The following STAC3 variants were observed in gnomAD, a reference collection of about 807,000 sequenced individuals.
The protein encoded by STAC3 is SH3 and cysteine-rich domain-containing protein 3.
STAC3 carries 30 observed loss-of-function variants against 48.5 expected under a neutral mutation model. The observed-to-expected ratio is 0.62, with a 90% CI of 0.46 to 0.84. STAC3 has a LOEUF of 0.84. Ranked by LOEUF, STAC3 falls within the 40% of genes least tolerant of loss-of-function variation. STAC3 has a pLI of 0.00. For missense variants in STAC3, 419 were observed against 462.6 expected (o/e 0.91, Z 0.86); for synonymous variants, 144 against 158.6 (o/e 0.91, Z 0.69).
Position 57,243,609 on chromosome 12 carries a change from T to A in STAC3, c.*203A>T. ...GGCCTGAAAGGTTTCGGGTCCGGGC[T>A]GCTCTGGGCAGCAGGTATCCGAGGC... is the stretch of plus-strand genomic sequence containing the variant. On this transcript the variant is annotated 3_prime_UTR_variant, in exon 12 of 12. Coordinates refer to ENST00000332782, the MANE Select transcript of STAC3 (RefSeq NM_145064.3). The A allele has an allele frequency of 1.8e-6, 1 of 552,696 alleles. No individual in the cohort carries two copies. Among genetic ancestry groups the A allele is most frequent in the African/African-American group, 1.9e-5 (1 of 51,740 alleles). 34.2% of individuals were successfully genotyped at this position (552,696 alleles called of 1,614,324 possible). A position where few individuals can be genotyped will look rare whatever the true frequency, so the allele number is the denominator to read the frequency against.
At chr12:57,244,753 T>A in intron 8 of STAC3, 131 bp from the exon 9 acceptor site, 1 of 1,392,242 alleles carries the variant, frequency 7.2e-7, no homozygotes, top group Non-Finnish European at 1.0e-6. Context: ...CTGAGAGAAG[T>A]GTTTTGGTCG....
At chr12:57,249,548 A>C (rs1592249030) in intron 2 of STAC3, 23 bp downstream of exon 2, 17 of 1,613,284 alleles carry the variant, frequency 1.1e-5, no homozygotes, top group Admixed American at 1.7e-5. Context: ...CCCCACACCC[A>C]GTGGTCAGAG....
rs773171630 is a variant in STAC3 at position 57,243,852 on chromosome 12, T to C, written c.1055A>G (p.Lys352Arg). Residue 352 changes from lysine to arginine, a missense_variant, in exon 12 of 12, where the codon AAG (lysine) becomes AGG (arginine). Coordinates refer to ENST00000332782, the MANE Select transcript of STAC3 (RefSeq NM_145064.3). The stretch of plus-strand genomic sequence containing the variant: ...AAAGTCGGTGGGAAACAGCCCCACC[T>C]TGCGGCCGGTGTAGACCTTGACGTA... Reference protein sequence around the residue: ...GGYVKVYTGRKVGLFPTDFLE... With the variant: ...GGYVKVYTGRRVGLFPTDFLE... 1 of 1,614,094 alleles carries C rather than the reference T, an allele frequency of 6.2e-7. No homozygotes were observed. The highest frequency in any genetic ancestry group is 2.2e-5 in the East Asian group (1 of 44,876).
In STAC3 at chr12:57,243,605, G is replaced by A. The variant is rs1191930234; in HGVS notation, c.*207C>T. 1 of 698,004 alleles carries A rather than the reference G, an allele frequency of 1.4e-6. No homozygotes were observed. Among genetic ancestry groups the A allele is most frequent in the South Asian group, 1.5e-5 (1 of 66,612 alleles). 43.2% of individuals were successfully genotyped at this position (698,004 alleles called of 1,614,324 possible). ...GCGGGGCCTGAAAGGTTTCGGGTCCGGGCTGCTCTGGGCAGCAGGTATCCG... is the reference window on the plus strand; with the variant it reads ...GCGGGGCCTGAAAGGTTTCGGGTCCAGGCTGCTCTGGGCAGCAGGTATCCG... On this transcript the variant is annotated 3_prime_UTR_variant, in exon 12 of 12. Coordinates refer to ENST00000332782, the MANE Select transcript of STAC3 (RefSeq NM_145064.3).
intron 7 of STAC3, 56 bp downstream of exon 7, chr12:57,245,089 C>T: frequency 6.2e-7 from 1 of 1,609,566 alleles, no homozygotes; most frequent in Non-Finnish European, 8.5e-7. Flanking sequence ...ACCCTCTGTT[C>T]CACAGCTGAG....
chr12:57,249,116 C>T lies in STAC3; in HGVS notation c.259G>A (p.Asp87Asn), dbSNP rs776406787. 7.4e-6 allele frequency: 12 copies of T among 1,613,376 alleles called. No homozygotes were observed. Among genetic ancestry groups the T allele is most frequent in the Non-Finnish European group, 6.8e-6 (8 of 1,179,756 alleles). Residue 87 changes from aspartate (D) to asparagine (N), a missense_variant, in exon 3 of 12, where the codon GAT (aspartate) becomes AAT (asparagine). Physicochemically the swap from Asp to Asn is conservative, Grantham distance 23 (BLOSUM62 1). Transcript: ENST00000332782. ...PPPEPPKLVN[D>N]KPHKFKDHFF... The stretch of plus-strand genomic sequence containing the variant: ...TGATCTTTGAATTTGTGGGGCTTAT[C>T]GTTGACCAGCTTAGGAGGTTCTGGG...
At chr12:57,248,262 C>T (rs369271138) in intron 4 of STAC3, 64 bp from the exon 5 acceptor site, 307 of 1,284,770 alleles carry the variant, frequency 2.4e-4, no homozygotes, top group Non-Finnish European at 3.0e-4. Flanking sequence ...CCTATCTCTC[C>T]CAGGAGTGCT....
At position 57,249,505 on chromosome 12, in the gene STAC3, G is replaced by A. The variant is rs926908251; in HGVS notation, c.66+66C>T. The stretch of plus-strand genomic sequence containing the variant: ...TCACACACAAATGAGATCAATTTAA[G>A]CACTCTTCTTCAGCTGTAATGGCTT... On this transcript the variant is annotated intron_variant, in intron 2 of 11. Transcript: ENST00000332782. The A allele has an allele frequency of 1.9e-6, 3 of 1,588,322 alleles. No homozygotes were observed. The Admixed American group carries it at 5.1e-5, about 27-fold the overall frequency.
chr12:57,244,298 C>G lies in STAC3; in HGVS notation c.858+17G>C, dbSNP rs1261088763. The G allele has an allele frequency of 6.2e-7, 1 of 1,614,032 alleles. No homozygotes were observed. The highest frequency in any genetic ancestry group is 1.3e-5 in the African/African-American group (1 of 74,938). On this transcript the variant is annotated intron_variant, in intron 10 of 11. Transcript: ENST00000332782. ...ACTCAACCCACACTCCACCCTAGCCCTAGCCATTTCTCTCACCCGCCACCA... is the reference window on the plus strand; with the variant it reads ...ACTCAACCCACACTCCACCCTAGCCGTAGCCATTTCTCTCACCCGCCACCA...
Position 57,248,182 on chromosome 12 carries a change from C to T in STAC3, c.449G>A (p.Arg150Gln), listed in dbSNP as rs764482125. Residue 150 changes from arginine to glutamine, a missense_variant, in exon 5 of 12, where the codon CGG becomes CAG. Arg to Gln is a conservative substitution (Grantham distance 43). Transcript: ENST00000332782. ...GCTGTAGAGTGGGGAACTATAGGCC[C>T]GATGGAAACCAGGTGGCTGTAGGAT... ...CFGKIPPGFH[R>Q]AYSSPLYSNQ... is the part of the protein sequence containing the mutation. The T allele has an allele frequency of 5.6e-6, 9 of 1,613,932 alleles. No individual in the cohort carries two copies. The highest frequency in any genetic ancestry group is 7.6e-6 in the Non-Finnish European group (9 of 1,179,888).
chr12:57,245,640 G>A (rs916152699), intron 6 of STAC3, among the ~76,000 whole-genome samples: 5 of 152,042 alleles, frequency 3.3e-5, no homozygotes, highest in African/African-American at 1.2e-4. Context: ...AAAGTGCTGG[G>A]ATTACAGGCG....
intron 2 of STAC3, 129 bp from the exon 3 acceptor site, chr12:57,249,437 T>G: frequency 6.7e-7 from 1 of 1,482,270 alleles, no homozygotes; most frequent in Non-Finnish European, 9.1e-7. Context: ...ATTAGGGGGG[T>G]ATTGGTATTG....
chr12:57,249,886 G>C (rs2037860921), intron 1 of STAC3, among the ~76,000 whole-genome samples: 1 of 152,092 alleles, frequency 6.6e-6, no homozygotes, highest in South Asian at 2.1e-4. Context: ...TTCCTGAGTA[G>C]CTGGAACACA....
At chr12:57,248,033 TTTCTGTTTCAGAA>T in intron 5 of STAC3, 80 bp downstream of exon 5, 1 of 1,147,412 alleles carries the variant, frequency 8.7e-7, no homozygotes, top group South Asian at 1.2e-5. Flanking sequence ...AAACAGAAAG[TTTCTGTTTCAGAA>T]TTTGGCTCCC....
Position 57,243,794 on chromosome 12 carries a change from T to A in STAC3, c.*18A>T. The A allele has an allele frequency of 6.2e-7, 1 of 1,611,694 alleles. No individual in the cohort carries two copies. Among genetic ancestry groups the A allele is most frequent in the Non-Finnish European group, 8.5e-7 (1 of 1,178,256 alleles). Reference sequence around the variant, plus strand: ...AGAATGGGGTGTGGGTGTCTCCCGCTTGCAGGCGCCCGCACGCCTAAATTT... The same window carrying A: ...AGAATGGGGTGTGGGTGTCTCCCGCATGCAGGCGCCCGCACGCCTAAATTT... On this transcript the variant is annotated 3_prime_UTR_variant, in exon 12 of 12. Transcript: ENST00000332782.
At chr12:57,247,438 T>A (rs1343286064) in intron 5 of STAC3, among the ~76,000 whole-genome samples, 12 of 127,946 alleles carry the variant, frequency 9.4e-5, no homozygotes, top group African/African-American at 2.5e-4. Context: ...ATTTTTTTTT[T>A]TTTTTTTTTT....
intron 6 of STAC3, among the ~76,000 whole-genome samples, chr12:57,246,274 C>T (rs1328333087): frequency 6.6e-6 from 1 of 152,148 alleles, no homozygotes; most frequent in Non-Finnish European, 1.5e-5. Context: ...TGTCCAACCT[C>T]CATATCAACA....
intron 11 of STAC3, 28 bp downstream of exon 11, chr12:57,244,060 C>CT (rs757603391): frequency 1.9e-6 from 3 of 1,613,958 alleles, no homozygotes; most frequent in Non-Finnish European, 2.5e-6. Flanking sequence ...GCATTCAGGC[C>CT]TGGGATTGGG....
At chr12:57,250,650 C>T (rs1239669184) in intron 1 of STAC3, among the ~76,000 whole-genome samples, 1 of 152,106 alleles carries the variant, frequency 6.6e-6, no homozygotes, top group Non-Finnish European at 1.5e-5. Context: ...CTCGTGTGCA[C>T]ACAAGGAAGG....
Sources: allele counts gnomAD v4.1 joint callset (sites outside exome capture counted in the v4.1 genomes callset), GRCh38; gene constraint gnomAD v4.1.1; transcripts MANE v1.5; gene names NCBI Gene and HGNC (gene_info 2026-07-23, HGNC 2026-07-21).